FGF14: variants seen among roughly 807,000 people sequenced by gnomAD.
FGF14 encodes the protein fibroblast growth factor homologous factor 4.
In FGF14, 5 loss-of-function variants were observed where a neutral mutation model predicts 25.5. That is an observed-to-expected ratio of 0.20 (90% CI 0.10 to 0.41). The LOEUF (loss-of-function observed/expected upper bound fraction) is 0.41, where lower values mean the gene tolerates loss of function less well. Ranked by LOEUF, FGF14 falls within the 10% of genes least tolerant of loss-of-function variation. FGF14 has a pLI of 1.00. For synonymous variants in FGF14, 138 were observed against 118.3 expected (o/e 1.17, Z -1.08); for missense variants, 222 against 320.1 (o/e 0.69, Z 2.34).
chr13:101,996,355 C>T (rs987496764), intron 1 of FGF14, among the ~76,000 whole-genome samples: 3 of 152,044 alleles, frequency 2.0e-5, no homozygotes, highest in Non-Finnish European at 4.4e-5. Context: ...AGGGTAGTGA[C>T]TAATTCCCTT....
Position 101,716,547 on chromosome 13 carries a change from T to C in FGF14, c.*6284A>G, listed in dbSNP as rs1243180709. 6.6e-6 allele frequency: 1 copy of C among 152,176 alleles called. No individual in the cohort carries two copies. Among genetic ancestry groups the C allele is most frequent in the Non-Finnish European group, 1.5e-5 (1 of 68,032 alleles). The allele number at this position is 152,176 out of a possible 1,614,324, so 9.4% of individuals were successfully genotyped here. Reference sequence around the variant, plus strand: ...AAATAAGGGATCACATTTTTAAAACTGGGCAGGGGTTATGCGTACAAGAAA... The same window carrying C: ...AAATAAGGGATCACATTTTTAAAACCGGGCAGGGGTTATGCGTACAAGAAA... On this transcript the variant is annotated 3_prime_UTR_variant, in exon 5 of 5. Transcript: ENST00000376143.
intron 1 of FGF14, among the ~76,000 whole-genome samples, chr13:102,009,490 T>C (rs1340689557): frequency 2.6e-5 from 4 of 152,160 alleles, no homozygotes; most frequent in Admixed American, 2.6e-4. Flanking sequence ...ATACACATGT[T>C]CTAAATTATT....
chr13:102,380,148 A>C (rs1023688617), intron 1 of FGF14, among the ~76,000 whole-genome samples: 1 of 152,156 alleles, frequency 6.6e-6, no homozygotes, highest in African/African-American at 2.4e-5. Flanking sequence ...ATACAAAGGA[A>C]GTAAACATAG....
chr13:102,037,591 G>A (rs1051389070), intron 1 of FGF14, among the ~76,000 whole-genome samples: 1 of 152,140 alleles, frequency 6.6e-6, no homozygotes, highest in East Asian at 1.9e-4. Context: ...GGGAATGGGG[G>A]AAAGATCATG....
chr13:101,974,592 A>T (rs1010786029), intron 1 of FGF14, among the ~76,000 whole-genome samples: 4 of 152,024 alleles, frequency 2.6e-5, no homozygotes, highest in Non-Finnish European at 4.4e-5. Context: ...ACATTGCACA[A>T]CTCCAGGGGC....
At chr13:102,056,286 C>T (rs565585108) in intron 1 of FGF14, among the ~76,000 whole-genome samples, 14 of 152,300 alleles carry the variant, frequency 9.2e-5, no homozygotes, top group Admixed American at 5.2e-4. Context: ...TCTTATCTGC[C>T]CTTGAGACTA....
chr13:102,324,124 A>C (rs2056343240), intron 1 of FGF14, among the ~76,000 whole-genome samples: 1 of 152,130 alleles, frequency 6.6e-6, no homozygotes, highest in Non-Finnish European at 1.5e-5. Context: ...ACACTCAAGG[A>C]CAATAATCAT....
intron 1 of FGF14, among the ~76,000 whole-genome samples, chr13:102,027,137 C>T (rs1018103320): frequency 6.6e-6 from 1 of 151,866 alleles, no homozygotes; most frequent in African/African-American, 2.4e-5. Context: ...ATCAAACTTT[C>T]TAGTAAGAGT....
intron 1 of FGF14, among the ~76,000 whole-genome samples, chr13:102,095,931 A>C (rs1308522626): frequency 1.3e-5 from 2 of 151,242 alleles, no homozygotes; most frequent in Non-Finnish European, 2.9e-5. Flanking sequence ...CAGCACCCCA[A>C]ACCTTCATGT....
At chr13:102,060,662 A>C (rs538639453) in intron 1 of FGF14, among the ~76,000 whole-genome samples, 1 of 152,356 alleles carries the variant, frequency 6.6e-6, no homozygotes, top group East Asian at 1.9e-4. Flanking sequence ...AAAAGGAGAA[A>C]TTTAAAAATC....
At chr13:102,125,141 A>G (rs1351235171) in intron 1 of FGF14, among the ~76,000 whole-genome samples, 1 of 152,136 alleles carries the variant, frequency 6.6e-6, no homozygotes, top group African/African-American at 2.4e-5. Flanking sequence ...CACAGATATT[A>G]TTGTTTAATA....
chr13:102,263,054 T>C (rs531661910), intron 1 of FGF14: 5 of 655,480 alleles, frequency 7.6e-6, no homozygotes, highest in South Asian at 2.9e-5. Flanking sequence ...TAGACCCAGC[T>C]TGGTTCTTTT....
intron 1 of FGF14, among the ~76,000 whole-genome samples, chr13:102,191,127 C>A (rs994220015): frequency 5.3e-5 from 8 of 152,172 alleles, no homozygotes; most frequent in Admixed American, 3.3e-4. Flanking sequence ...CTTGACCGGA[C>A]TCAGAGATAA....
chr13:102,035,873 G>T (rs1452041578), intron 1 of FGF14, among the ~76,000 whole-genome samples: 2 of 152,066 alleles, frequency 1.3e-5, no homozygotes, highest in African/African-American at 2.4e-5. Context: ...ATGTGCTAAA[G>T]ACAAGGATCA....
At chr13:101,838,844 A>G (rs931946649) in intron 3 of FGF14, among the ~76,000 whole-genome samples, 1 of 152,096 alleles carries the variant, frequency 6.6e-6, no homozygotes, top group Non-Finnish European at 1.5e-5. Flanking sequence ...AAAAATTCCA[A>G]TGGACAGCAG....
In FGF14 at chr13:101,716,434, G is replaced by A. The variant is rs900886366; in HGVS notation, c.*6397C>T. 1 of 152,126 alleles carries A rather than the reference G, an allele frequency of 6.6e-6. No individual in the cohort carries two copies. The highest frequency in any genetic ancestry group is 2.4e-5 in the African/African-American group (1 of 41,434). 9.4% of individuals were successfully genotyped at this position (152,126 alleles called of 1,614,324 possible). ...TTAACATTTTAAATAAATAGTGACAGAAGTTGTTTATACTCTGTGTCAGTA... is the reference window on the plus strand; with the variant it reads ...TTAACATTTTAAATAAATAGTGACAAAAGTTGTTTATACTCTGTGTCAGTA... On this transcript the variant is annotated 3_prime_UTR_variant, in exon 5 of 5. Coordinates refer to ENST00000376143, the MANE Select transcript of FGF14 (RefSeq NM_004115.4).
intron 1 of FGF14, among the ~76,000 whole-genome samples, chr13:102,066,629 TCAAA>T (rs1306399909): frequency 2.0e-5 from 3 of 152,216 alleles, no homozygotes; most frequent in African/African-American, 7.2e-5. Flanking sequence ...AATGATACAT[TCAAA>T]CAGTGTTTCC....
At chr13:101,945,282 C>T (rs1478025022) in intron 1 of FGF14, among the ~76,000 whole-genome samples, 1 of 152,132 alleles carries the variant, frequency 6.6e-6, no homozygotes, top group Non-Finnish European at 1.5e-5. Flanking sequence ...CGTGCCATTG[C>T]ACTCCAGCCT....
intron 1 of FGF14, among the ~76,000 whole-genome samples, chr13:102,348,960 C>T (rs535171461): frequency 7.2e-5 from 11 of 152,320 alleles, no homozygotes; most frequent in African/African-American, 2.4e-4. Context: ...GTGCTGCCCT[C>T]TGGTTTTATC....
Sources: allele counts gnomAD v4.1 joint callset (sites outside exome capture counted in the v4.1 genomes callset), GRCh38; gene constraint gnomAD v4.1.1; transcripts MANE v1.5; gene names NCBI Gene and HGNC (gene_info 2026-07-23, HGNC 2026-07-21).